Variants in A2ML1 observed in about 807,000 individuals in gnomAD.
A2ML1 encodes the protein alpha-2-macroglobulin like 1.
A neutral mutation model predicts 181.9 loss-of-function variants in A2ML1; 161 were observed. The ratio of observed to expected loss-of-function variants is 0.89; its 90% CI spans 0.78 to 1.01. The LOEUF is 1.01. A2ML1 is among the 50% of genes least tolerant of loss of function. A2ML1 has a pLI of 0.00. For missense variants in A2ML1, 1,670 were observed against 1,768.1 expected (o/e 0.94, Z 1.00); for synonymous variants, 663 against 666.8 (o/e 0.99, Z 0.09).
chr12:8,836,452 G>T, intron 7 of A2ML1, 113 bp downstream of exon 7: 175 of 605,250 alleles, frequency 2.9e-4, no homozygotes, highest in Non-Finnish European at 3.8e-4. Context: ...GGCATTTTAT[G>T]TAATTCAGAG....
Position 8,835,523 on chromosome 12 carries a change from G to C in A2ML1, c.500G>C (p.Arg167Thr). 1 of 1,614,092 alleles carries C rather than the reference G, an allele frequency of 6.2e-7. No individual in the cohort carries two copies. Among genetic ancestry groups the C allele is most frequent in the Non-Finnish European group, 8.5e-7 (1 of 1,179,992 alleles). The change falls in exon 6 of 36, where the codon AGG becomes ACG. Residue 167 changes from arginine (R) to threonine (T), a missense_variant. Physicochemically the swap from Arg to Thr is moderately conservative, Grantham distance 71. Transcript: ENST00000299698. Reference sequence around the variant, plus strand: ...ATTGGACAGGATCCAAATAGCAACAGGATTGCACAGTGGCTGGAAGTGGTA... The same window carrying C: ...ATTGGACAGGATCCAAATAGCAACACGATTGCACAGTGGCTGGAAGTGGTA... ...MVELQDPNSN[R>T]IAQWLEVVPE... is the part of the protein sequence containing the mutation.
chr12:8,849,170 T>C (rs1347900723), intron 16 of A2ML1, among the ~76,000 whole-genome samples: 1 of 152,172 alleles, frequency 6.6e-6, no homozygotes, highest in Admixed American at 6.5e-5. Context: ...TTAGAGAAGG[T>C]AGACCAGAGG....
chr12:8,823,416 C>G (rs759110586), intron 2 of A2ML1, 51 bp downstream of exon 2: 3 of 1,524,206 alleles, frequency 2.0e-6, no homozygotes, highest in South Asian at 2.5e-5. Flanking sequence ...CTATTCTCCT[C>G]CCTAGGCTCA....
At chr12:8,832,227 A>AAT (rs1943140572) in intron 4 of A2ML1, among the ~76,000 whole-genome samples, 1 of 152,052 alleles carries the variant, frequency 6.6e-6, no homozygotes, top group African/African-American at 2.4e-5. Context: ...GGGTGGTGTC[A>AAT]GCTGATCCAC....
downstream of A2ML1, among the ~76,000 whole-genome samples, chr12:8,877,246 C>A (rs746168146): frequency 1.3e-5 from 2 of 152,174 alleles, no homozygotes; most frequent in Non-Finnish European, 2.9e-5. Context: ...TCCTGGGTAT[C>A]CACTGGATCC....
intron 28 of A2ML1, 116 bp downstream of exon 28, chr12:8,861,413 G>T: frequency 8.3e-7 from 1 of 1,208,400 alleles, no homozygotes; most frequent in Non-Finnish European, 1.2e-6. Flanking sequence ...TTTAGTAACA[G>T]TTATTAAGTC....
intron 28 of A2ML1, among the ~76,000 whole-genome samples, chr12:8,862,488 AT>A (rs1944300614): frequency 1.3e-5 from 2 of 152,234 alleles, no homozygotes; most frequent in South Asian, 4.1e-4. Context: ...AGCGTGAGCC[AT>A]TGCACCTGGC....
Position 8,836,261 on chromosome 12 carries a change from C to G in A2ML1, c.650C>G (p.Pro217Arg). Residue 217 changes from proline (P) to arginine (R), a missense_variant, in exon 7 of 36, where the codon CCG becomes CGG. By Grantham distance (103) the Pro-to-Arg change is moderately radical. Transcript: ENST00000299698. ...CTCCTTTTACTCTCTTCAGTGCTGC[C>G]GAAGTTTAAGGTGGAAGTGGTGGAA... ...GTFSVEEYVL[P>R]KFKVEVVEPK... 1 of 1,613,838 alleles carries G rather than the reference C, an allele frequency of 6.2e-7. No individual in the cohort carries two copies. Among genetic ancestry groups the G allele is most frequent in the Non-Finnish European group, 8.5e-7 (1 of 1,179,910 alleles).
At chr12:8,853,474 G>T (rs979709950) in intron 20 of A2ML1, among the ~76,000 whole-genome samples, 7 of 152,192 alleles carry the variant, frequency 4.6e-5, no homozygotes, top group African/African-American at 1.7e-4. Flanking sequence ...ATTAATCTGG[G>T]TGCAGCTTAG....
chr12:8,843,965 C>T (rs1300046366), intron 12 of A2ML1, among the ~76,000 whole-genome samples: 1 of 152,090 alleles, frequency 6.6e-6, no homozygotes, highest in Non-Finnish European at 1.5e-5. Flanking sequence ...CGTGATCCAC[C>T]TGCCTCAGTC....
chr12:8,847,461 G>C (rs1943730929), intron 14 of A2ML1, 88 bp from the exon 15 acceptor site: 2 of 1,420,640 alleles, frequency 1.4e-6, no homozygotes, highest in African/African-American at 1.4e-5. Flanking sequence ...GTCATAGCTG[G>C]GGCATATTTG....
intron 31 of A2ML1, 61 bp from the exon 32 acceptor site, chr12:8,868,476 T>C (rs1944504964): frequency 2.7e-6 from 2 of 749,656 alleles, no homozygotes; most frequent in Admixed American, 5.1e-5. Flanking sequence ...GTGTGTGTGT[T>C]GGGGATGCAG....
In A2ML1 at chr12:8,841,466, C is replaced by G; in HGVS notation, c.1178C>G (p.Thr393Ser). The G allele has an allele frequency of 6.2e-7, 1 of 1,614,036 alleles. No individual in the cohort carries two copies. The highest frequency in any genetic ancestry group is 8.5e-7 in the Non-Finnish European group (1 of 1,179,958). Residue 393 changes from threonine (T) to serine (S), a missense_variant, in exon 11 of 36, where the codon ACT becomes AGT. Thr to Ser is a moderately conservative substitution (Grantham distance 58). Coordinates refer to ENST00000299698, the MANE Select transcript of A2ML1 (RefSeq NM_144670.6). ...GGAACCTTCAACCAGACCCTGGTTA[C>G]TGATAACAATGGCCTAGCTCCCTTT... is the stretch of plus-strand genomic sequence containing the variant. ...TNGTFNQTLV[T>S]DNNGLAPFTL...
At position 8,837,520 on chromosome 12, in the gene A2ML1, T is replaced by C; in HGVS notation, c.809T>C (p.Val270Ala). The C allele has an allele frequency of 6.2e-7, 1 of 1,613,570 alleles. No individual in the cohort carries two copies. Reference sequence around the variant, plus strand: ...GCAAATACTTACTGGTATCGAGAGGTGGAACGGGAACAGCTTCCTGACAAA... The same window carrying C: ...GCAAATACTTACTGGTATCGAGAGGCGGAACGGGAACAGCTTCCTGACAAA... ...QKANTYWYRE[V>A]EREQLPDKCR... The change falls in exon 8 of 36, where the codon GTG (valine) becomes GCG (alanine). Residue 270 changes from valine to alanine, a missense_variant. Coordinates refer to ENST00000299698, the MANE Select transcript of A2ML1 (RefSeq NM_144670.6).
At position 8,835,588 on chromosome 12, in the gene A2ML1, C is replaced by T. The variant is rs780009431; in HGVS notation, c.565C>T (p.Pro189Ser). Residue 189 changes from proline to serine, a missense_variant, in exon 6 of 36, where the codon CCA becomes TCA. By Grantham distance (74) the Pro-to-Ser change is moderately conservative. Coordinates refer to ENST00000299698, the MANE Select transcript of A2ML1 (RefSeq NM_144670.6). ...TGTAGACCTGTCCTTCCAACTGGCA[C>T]CAGAGGCAATGCTGGGCACCTACAC... ...GIVDLSFQLA[P>S]EAMLGTYTVA... 2.7e-5 allele frequency: 43 copies of T among 1,614,174 alleles called. No homozygotes were observed. In the African/African-American group the frequency reaches 4.0e-4, roughly 15 times the overall value.
intron 5 of A2ML1, 144 bp downstream of exon 5, chr12:8,834,826 C>A: frequency 1.1e-6 from 1 of 901,498 alleles, no homozygotes; most frequent in East Asian, 2.6e-5. Context: ...CCCACATCCA[C>A]CTAAGCTGTG....
chr12:8,826,634 G>GT (rs901652490), intron 3 of A2ML1, among the ~76,000 whole-genome samples: 5 of 151,750 alleles, frequency 3.3e-5, no homozygotes, highest in African/African-American at 1.2e-4. Context: ...TTGTTTTTTT[G>GT]TTTTTTGAGA....
intron 21 of A2ML1, 84 bp from the exon 22 acceptor site, chr12:8,854,696 A>T: frequency 6.8e-7 from 1 of 1,477,088 alleles, no homozygotes; most frequent in African/African-American, 1.4e-5. Context: ...GGGCACAGCG[A>T]GGGGCCTCCC....
At position 8,843,090 on chromosome 12, in the gene A2ML1, G is replaced by A. The variant is rs73038726; in HGVS notation, c.1249-44G>A. 10,343 of 1,574,170 alleles carry A rather than the reference G, an allele frequency of 6.6e-3. 56 individuals carry two copies. The highest frequency in any genetic ancestry group is 8.3e-3 in the Non-Finnish European group (9,456 of 1,144,914). Reference sequence around the variant, plus strand: ...GTAACAAGTCCGTGGGGTTTCCATGGTTGGAGCACATGCTAAAATTCTCTC... The same window carrying A: ...GTAACAAGTCCGTGGGGTTTCCATGATTGGAGCACATGCTAAAATTCTCTC... On this transcript the variant is annotated intron_variant, in intron 11 of 35. Transcript: ENST00000299698.
Sources: allele counts gnomAD v4.1 joint callset (sites outside exome capture counted in the v4.1 genomes callset), GRCh38; gene constraint gnomAD v4.1.1; transcripts MANE v1.5; gene names NCBI Gene and HGNC (gene_info 2026-07-23, HGNC 2026-07-21).